MAGI2: variants seen among roughly 807,000 people sequenced by gnomAD.
MAGI2 encodes the protein membrane associated guanylate kinase, WW and PDZ domain containing 2, also known as membrane-associated guanylate kinase, WW and PDZ domain-containing protein 2.
A neutral mutation model predicts 133.3 loss-of-function variants in MAGI2; 35 were observed. The ratio of observed to expected loss-of-function variants is 0.26; its 90% CI spans 0.20 to 0.35. MAGI2 has a LOEUF of 0.35. MAGI2 is among the 10% of genes least tolerant of loss of function. The probability of loss-of-function intolerance (pLI) is 1.00; values close to 1 mark genes in which losing one functional copy is unlikely to be tolerated. For missense variants in MAGI2, 1,636 were observed against 1,863.4 expected, an observed-to-expected ratio of 0.88 and a Z score of 2.25; for synonymous variants, 729 against 710.6, an observed-to-expected ratio of 1.03 and a Z score of -0.41.
chr7:78,159,605 A>G (rs1029516), intron 16 of MAGI2, among the ~76,000 whole-genome samples: 17,133 of 151,984 alleles, frequency 0.11, 1,047 homozygotes, highest in East Asian at 0.17. Context: ...TTCTGCCTGG[A>G]CTGATTTTTT....
At chr7:78,901,920 G>T (rs1286112617) in intron 2 of MAGI2, among the ~76,000 whole-genome samples, 3 of 152,066 alleles carry the variant, frequency 2.0e-5, no homozygotes, top group Non-Finnish European at 4.4e-5. Flanking sequence ...TGGAAATAAA[G>T]CCGATCCAAT....
chr7:78,274,804 C>T (rs73150268), intron 9 of MAGI2, among the ~76,000 whole-genome samples: 28,487 of 152,040 alleles, frequency 0.19, 3,199 homozygotes, highest in South Asian at 0.31. Flanking sequence ...CAAGCTCAAG[C>T]GTCCCAGGTC....
intron 1 of MAGI2, among the ~76,000 whole-genome samples, chr7:79,121,404 C>T (rs1819881151): frequency 6.6e-6 from 1 of 151,892 alleles, no homozygotes. Context: ...TGTTTGGAAC[C>T]TTTCTTTTGT....
intron 1 of MAGI2, among the ~76,000 whole-genome samples, chr7:79,124,073 GA>G (rs1277745976): frequency 1.3e-5 from 2 of 152,052 alleles, no homozygotes; most frequent in Non-Finnish European, 2.9e-5. Flanking sequence ...ACGTTAGCAT[GA>G]GGGCATTTGT....
chr7:78,334,281 A>G (rs551770043), intron 9 of MAGI2, among the ~76,000 whole-genome samples: 1 of 152,206 alleles, frequency 6.6e-6, no homozygotes, highest in South Asian at 2.1e-4. Flanking sequence ...GGCAGTAACT[A>G]CTCATCGGAG....
chr7:78,815,605 T>C (rs532716364), intron 2 of MAGI2, among the ~76,000 whole-genome samples: 1 of 152,238 alleles, frequency 6.6e-6, no homozygotes, highest in African/African-American at 2.4e-5. Context: ...TTCATTTCTC[T>C]GTGTCACGTT....
chr7:79,141,743 G>A (rs151093889), intron 1 of MAGI2, among the ~76,000 whole-genome samples: 5 of 148,886 alleles, frequency 3.4e-5, no homozygotes, highest in South Asian at 4.2e-4. Flanking sequence ...CGTTGGCTTT[G>A]TTCGTGTTTT....
chr7:79,329,838 A>G (rs1321262298), intron 1 of MAGI2, among the ~76,000 whole-genome samples: 1 of 152,204 alleles, frequency 6.6e-6, no homozygotes, highest in Admixed American at 6.5e-5. Context: ...ACCATAATAA[A>G]CAGCAATCTA....
At chr7:79,392,451 T>C (rs1844730558) in intron 1 of MAGI2, among the ~76,000 whole-genome samples, 1 of 152,214 alleles carries the variant, frequency 6.6e-6, no homozygotes, top group Admixed American at 6.5e-5. Context: ...TCCACAGTGA[T>C]TGAACTAATT....
At chr7:79,380,229 A>C (rs1843684148) in intron 1 of MAGI2, among the ~76,000 whole-genome samples, 1 of 151,814 alleles carries the variant, frequency 6.6e-6, no homozygotes, top group South Asian at 2.1e-4. Flanking sequence ...AATGGGAGAA[A>C]ATTTTTGCAA....
At chr7:78,630,978 T>C (rs1808928294) in intron 2 of MAGI2, among the ~76,000 whole-genome samples, 3 of 152,096 alleles carry the variant, frequency 2.0e-5, no homozygotes, top group African/African-American at 7.2e-5. Flanking sequence ...TTGTGCAGTT[T>C]CTCCTCTTCC....
chr7:79,451,637 CTTGT>C (rs1474764202), intron 1 of MAGI2, among the ~76,000 whole-genome samples: 1 of 152,142 alleles, frequency 6.6e-6, no homozygotes, highest in African/African-American at 2.4e-5. Context: ...TTCTTTTTAT[CTTGT>C]TTATTTTAAA....
intron 20 of MAGI2, among the ~76,000 whole-genome samples, chr7:78,108,663 TGTGTGTATACACACATATATGTGA>T (rs1035611055): frequency 7.6e-6 from 1 of 131,956 alleles, no homozygotes. Flanking sequence ...TGTGTGTGTG[TGTGTGTATACACACATATATGTGA>T]GTGTATACAC....
At chr7:78,511,911 C>T (rs1197619399) in intron 4 of MAGI2, among the ~76,000 whole-genome samples, 2 of 150,340 alleles carry the variant, frequency 1.3e-5, no homozygotes, top group Non-Finnish European at 3.0e-5. Context: ...CTGGCTAACA[C>T]GGTGAAACCT....
chr7:78,846,348 C>G (rs1488434515), intron 2 of MAGI2, among the ~76,000 whole-genome samples: 2 of 151,952 alleles, frequency 1.3e-5, no homozygotes, highest in Non-Finnish European at 2.9e-5. Context: ...CAATTTTTAA[C>G]ACACTATTCA....
intron 2 of MAGI2, among the ~76,000 whole-genome samples, chr7:78,684,008 A>G (rs1308911751): frequency 6.6e-6 from 1 of 152,180 alleles, no homozygotes; most frequent in Non-Finnish European, 1.5e-5. Context: ...CAGAAGGGGC[A>G]GGTTTCAGAG....
At chr7:78,301,992 G>A (rs974753005) in intron 9 of MAGI2, among the ~76,000 whole-genome samples, 4 of 152,158 alleles carry the variant, frequency 2.6e-5, no homozygotes, top group Admixed American at 1.3e-4. Flanking sequence ...AATGCACGTA[G>A]AGCCCTGAGC....
At chr7:78,754,280 A>C (rs907412760) in intron 2 of MAGI2, among the ~76,000 whole-genome samples, 32 of 151,952 alleles carry the variant, frequency 2.1e-4, no homozygotes, top group African/African-American at 7.0e-4. Flanking sequence ...CTGAGGTGGG[A>C]GGATCACTTG....
intron 3 of MAGI2, among the ~76,000 whole-genome samples, chr7:78,590,460 C>A (rs1360734730): frequency 6.6e-6 from 1 of 152,172 alleles, no homozygotes; most frequent in Non-Finnish European, 1.5e-5. Context: ...AAATTTTTCA[C>A]ATTTAGCTTC....
Sources: gnomAD v4.1 joint callset for allele counts (sites outside exome capture counted in the v4.1 genomes callset) on GRCh38, gnomAD v4.1.1 for gene constraint, MANE v1.5 for transcripts, NCBI Gene and HGNC (gene_info 2026-07-23, HGNC 2026-07-21) for gene names.